HERPUD1: variants seen among roughly 807,000 people sequenced by gnomAD.
HERPUD1 encodes the protein homocysteine-responsive endoplasmic reticulum-resident ubiquitin-like domain member 1 protein.
A neutral mutation model predicts 45.0 loss-of-function variants in HERPUD1; 17 were observed. The ratio of observed to expected loss-of-function variants is 0.38; its 90% CI spans 0.26 to 0.57. HERPUD1 has a LOEUF of 0.57. HERPUD1 is among the 20% of genes least tolerant of loss of function. HERPUD1 has a pLI of 0.72. For synonymous variants in HERPUD1, 164 were observed against 177.5 expected (o/e 0.92, Z 0.61); for missense variants, 420 against 490.5 (o/e 0.86, Z 1.36).
intron 6 of HERPUD1, chr16:56,941,700 G>T (rs1202010241): frequency 6.6e-6 from 1 of 152,346 alleles, no homozygotes; most frequent in African/African-American, 2.4e-5. Context: ...GATTTAATTG[G>T]TTTCTTCAAA....
chr16:56,942,269 T>C (rs2055916342), intron 7 of HERPUD1, 32 bp downstream of exon 7: 3 of 1,457,720 alleles, frequency 2.1e-6, no homozygotes, highest in Non-Finnish European at 2.9e-6. Context: ...CCAGGCGAGC[T>C]TGACGTGATA....
rs200238021 is a variant in HERPUD1, at chr16:56,939,293, C to T, written c.488C>T (p.Thr163Ile). 1.2e-4 allele frequency: 200 copies of T among 1,614,112 alleles called. 1 individual carries two copies. The Middle Eastern group carries it at 3.5e-3, about 28-fold the overall frequency. ...QGLGPGFSGY[T>I]PYGWLQLSWF... ...CTGGGTCCTGGTTTCTCCGGTTACA[C>T]ACCCTATGGGTGGCTTCAGCTTTCC... Residue 163 changes from threonine to isoleucine, a missense_variant, in exon 5 of 8, where the codon ACA becomes ATA. Physicochemically the swap from Thr to Ile is moderately conservative, Grantham distance 89. Coordinates refer to ENST00000439977, the MANE Select transcript of HERPUD1 (RefSeq NM_014685.4).
rs113157856 is a variant in HERPUD1, at chr16:56,934,442, A to G, written c.148-793A>G. ...TCACAGGGTGGTTGTGTATAATGTC[A>G]CCCACACGCCATCTCCTCTATAACT... On this transcript the variant is annotated intron_variant, in intron 1 of 7. Transcript: ENST00000439977. Among the ~76,000 whole-genome samples the G allele has an allele frequency of 5.8e-3, 881 of 152,180 alleles. 11 individuals are homozygous for G. The highest frequency in any genetic ancestry group is 0.02 in the African/African-American group (832 of 41,506).
chr16:56,942,847 AAAT>A (rs771548543), intron 7 of HERPUD1, among the ~76,000 whole-genome samples: 4 of 152,152 alleles, frequency 2.6e-5, no homozygotes, highest in Non-Finnish European at 4.4e-5. Flanking sequence ...TCTGTCTCAA[AAAT>A]AATAATAATA....
chr16:56,935,308 C>G lies in HERPUD1; in HGVS notation c.221C>G (p.Pro74Arg), dbSNP rs1222620212. ...LDHQCLRDLLPKQEKRHVLHL... is the reference protein window; with the variant it reads ...LDHQCLRDLLRKQEKRHVLHL... ...CACCAATGTCTCAGGGACTTGCTTCCAAAGGTACATCACTTACACATTAAC... is the reference window on the plus strand; with the variant it reads ...CACCAATGTCTCAGGGACTTGCTTCGAAAGGTACATCACTTACACATTAAC... The change falls in exon 2 of 8, where the codon CCA (proline) becomes CGA (arginine). Residue 74 changes from proline to arginine, a missense_variant. Physicochemically the swap from Pro to Arg is moderately radical, Grantham distance 103. Coordinates refer to ENST00000439977, the MANE Select transcript of HERPUD1 (RefSeq NM_014685.4). 5.0e-6 allele frequency: 8 copies of G among 1,613,518 alleles called. No individual in the cohort carries two copies. The highest frequency in any genetic ancestry group is 5.1e-6 in the Non-Finnish European group (6 of 1,179,580).
chr16:56,936,584 G>T (rs772933541), intron 3 of HERPUD1, 103 bp from the exon 4 acceptor site: 7 of 1,043,902 alleles, frequency 6.7e-6, no homozygotes, highest in Non-Finnish European at 9.1e-6. Context: ...TCAGAGGTGG[G>T]GGGTAGGAGA....
chr16:56,942,040 G>T, intron 6 of HERPUD1, 92 bp from the exon 7 acceptor site: 1 of 939,032 alleles, frequency 1.1e-6, no homozygotes, highest in Non-Finnish European at 1.7e-6. Context: ...TTATCAGGGT[G>T]CTGCTGTGAT....
In HERPUD1 at chr16:56,939,999, C is replaced by A. The variant is rs2055897005; in HGVS notation, c.659C>A (p.Pro220Gln). The A allele has an allele frequency of 9.3e-6, 15 of 1,614,084 alleles. No individual in the cohort carries two copies. Among genetic ancestry groups the A allele is most frequent in the Non-Finnish European group, 1.3e-5 (15 of 1,180,054 alleles). ...CCAGCCCCTATTCACAACCAGTTTC[C>A]AGCTGAAAACCAGCCTGCCAATCAG... ...PAPAPIHNQF[P>Q]AENQPANQNA... The change falls in exon 6 of 8, where the codon CCA becomes CAA. Residue 220 changes from proline (P) to glutamine (Q), a missense_variant. Physicochemically the swap from Pro to Gln is moderately conservative, Grantham distance 76 (BLOSUM62 -1). Transcript: ENST00000439977.
chr16:56,939,865 C>T, intron 5 of HERPUD1, 30 bp from the exon 6 acceptor site: 1 of 1,560,056 alleles, frequency 6.4e-7, no homozygotes, highest in Non-Finnish European at 8.8e-7. Flanking sequence ...TTGGTCTCAA[C>T]AGTATCTGCC....
chr16:56,937,741 A>G (rs1567460360), intron 4 of HERPUD1, among the ~76,000 whole-genome samples: 1 of 150,066 alleles, frequency 6.7e-6, no homozygotes. Flanking sequence ...TGCCATTATC[A>G]GATCTAACAG....
rs142189913 is a variant in HERPUD1 at position 56,940,434 on chromosome 16, G to A, written c.905+189G>A. The A allele has an allele frequency of 1.3e-3, 724 of 558,890 alleles. 5 individuals carry two copies. The highest frequency in any genetic ancestry group is 0.013 in the African/African-American group (685 of 53,026). 34.6% of individuals were successfully genotyped at this position (558,890 alleles called of 1,614,324 possible). A position where few individuals can be genotyped will look rare whatever the true frequency, so the allele number is the denominator to read the frequency against. On this transcript the variant is annotated intron_variant, in intron 6 of 7. Transcript: ENST00000439977. ...CGATTCTCCTGCCTCAGCCTCCTGG[G>A]TAGTTGGGATTACAGGCGCCCACCA... is the stretch of plus-strand genomic sequence containing the variant.
chr16:56,943,638 G>T lies in HERPUD1; in HGVS notation c.*348G>T. On this transcript the variant is annotated 3_prime_UTR_variant, in exon 8 of 8. Coordinates refer to ENST00000439977, the MANE Select transcript of HERPUD1 (RefSeq NM_014685.4). ...TGTGTGTTTGTACATAGAAGTCATA[G>T]ATGCAGAAGTGGTTCTGCTGGTACG... The T allele has an allele frequency of 2.4e-6, 1 of 416,224 alleles. No individual in the cohort carries two copies. The highest frequency in any genetic ancestry group is 4.5e-6 in the Non-Finnish European group (1 of 221,696). 25.8% of individuals were successfully genotyped at this position (416,224 alleles called of 1,614,324 possible).
Position 56,942,197 on chromosome 16 carries a change from C to G in HERPUD1, c.971C>G (p.Pro324Arg), listed in dbSNP as rs768968429. The G allele has an allele frequency of 3.7e-6, 6 of 1,614,128 alleles. No individual in the cohort carries two copies. Among genetic ancestry groups the G allele is most frequent in the Non-Finnish European group, 4.2e-6 (5 of 1,179,980 alleles). ...PVQNFPNDGP[P>R]PDVVNQDPNN... ...CAGAACTTCCCAAATGATGGTCCTC[C>G]TCCTGACGTTGTAAATCAGGACCCC... Residue 324 changes from proline to arginine, a missense_variant, in exon 7 of 8, where the codon CCT becomes CGT. Transcript: ENST00000439977.
Position 56,932,372 on chromosome 16 carries a change from G to T in HERPUD1, c.128G>T (p.Arg43Leu). 1.3e-6 allele frequency: 2 copies of T among 1,591,656 alleles called. No individual in the cohort carries two copies. Among genetic ancestry groups the T allele is most frequent in the Non-Finnish European group, 1.7e-6 (2 of 1,172,618 alleles). The change falls in exon 1 of 8, where the codon CGC becomes CTC. Residue 43 changes from arginine (R) to leucine (L), a missense_variant. Physicochemically the swap from Arg to Leu is moderately radical, Grantham distance 102. Transcript: ENST00000439977. The part of the protein sequence containing the change: ...SVGHLKAHLS[R>L]VYPERPRPED... ...GGCCACCTCAAGGCCCACCTGAGCCGCGTCTACCCCGAGCGTCCGGTGAGA... is the reference window on the plus strand; with the variant it reads ...GGCCACCTCAAGGCCCACCTGAGCCTCGTCTACCCCGAGCGTCCGGTGAGA...
At position 56,940,230 on chromosome 16, in the gene HERPUD1, C is replaced by T; in HGVS notation, c.890C>T (p.Thr297Ile). ...AGATTCCTCATGGTCATGGGGGCCACCGTTGTTATGTACCTGTAAGCAGAT... is the reference window on the plus strand; with the variant it reads ...AGATTCCTCATGGTCATGGGGGCCATCGTTGTTATGTACCTGTAAGCAGAT... ...LSRFLMVMGA[T>I]VVMYLHHVGW... is the part of the protein sequence containing the mutation. Residue 297 changes from threonine to isoleucine, a missense_variant, in exon 6 of 8, where the codon ACC (threonine) becomes ATC (isoleucine). Transcript: ENST00000439977. 6.2e-7 allele frequency: 1 copy of T among 1,610,070 alleles called. No homozygotes were observed. Among genetic ancestry groups the T allele is most frequent in the Non-Finnish European group, 8.5e-7 (1 of 1,176,386 alleles).
Position 56,939,297 on chromosome 16 carries a change from C to T in HERPUD1, c.492C>T (p.Pro164=), listed in dbSNP as rs760535946. 6 of 1,614,248 alleles carry T rather than the reference C, an allele frequency of 3.7e-6. No individual in the cohort carries two copies. In the East Asian group the frequency reaches 1.1e-4, roughly 30 times the overall value. Residue 164 remains proline, a synonymous_variant, in exon 5 of 8, where the codon CCC becomes CCT. Transcript: ENST00000439977. Reference sequence around the variant, plus strand: ...GTCCTGGTTTCTCCGGTTACACACCCTATGGGTGGCTTCAGCTTTCCTGGT... The same window carrying T: ...GTCCTGGTTTCTCCGGTTACACACCTTATGGGTGGCTTCAGCTTTCCTGGT... The part of the protein sequence containing the change: ...GLGPGFSGYT[P]YGWLQLSWFQ...
rs760734684 is a variant in HERPUD1, at chr16:56,932,182, G to A, written c.-63G>A. 2.5e-6 allele frequency: 4 copies of A among 1,577,074 alleles called. No individual in the cohort carries two copies. The South Asian group carries it at 3.4e-5, about 13-fold the overall frequency. ...ACTGTCGTTGCAGAGATTGCGGGCG[G>A]CTGAGACGCCGCCTGCCTGGCACCT... On this transcript the variant is annotated 5_prime_UTR_variant, in exon 1 of 8. Coordinates refer to ENST00000439977, the MANE Select transcript of HERPUD1 (RefSeq NM_014685.4).
At chr16:56,936,942 T>G in intron 4 of HERPUD1, 125 bp downstream of exon 4, 1 of 1,040,540 alleles carries the variant, frequency 9.6e-7, no homozygotes, top group Non-Finnish European at 1.4e-6. Flanking sequence ...TTTTGCTTTA[T>G]AAATAGCTTC....
chr16:56,941,518 G>T (rs1045300695), intron 6 of HERPUD1: 2 of 152,170 alleles, frequency 1.3e-5, no homozygotes, highest in Admixed American at 6.5e-5. Context: ...AGAAAGCCTG[G>T]CCTAGAGTGA....
Sources: gnomAD v4.1 joint callset for allele counts (sites outside exome capture counted in the v4.1 genomes callset) on GRCh38, gnomAD v4.1.1 for gene constraint, MANE v1.5 for transcripts, NCBI Gene and HGNC (gene_info 2026-07-23, HGNC 2026-07-21) for gene names.